CSMD1: variants seen among roughly 807,000 people sequenced by gnomAD.
CSMD1 encodes CUB and sushi domain-containing protein 1.
CSMD1 carries 213 observed loss-of-function variants against 417.5 expected under a neutral mutation model. The ratio of observed to expected loss-of-function variants is 0.51; its 90% confidence interval spans 0.46 to 0.57. The LOEUF (loss-of-function observed/expected upper bound fraction) is 0.57, where lower values mean the gene tolerates loss of function less well. Ranked by LOEUF, CSMD1 falls within the 20% of genes least tolerant of loss-of-function variation. CSMD1 has a pLI of 0.00. For synonymous variants in CSMD1, 2,862 were observed against 1,736.8 expected (o/e 1.65, Z -16.11); for missense variants, 6,923 against 4,529.7 (o/e 1.53, Z -15.17).
intron 5 of CSMD1, among the ~76,000 whole-genome samples, chr8:3,936,678 G>A (rs112072657): frequency 1.3e-5 from 2 of 152,110 alleles, no homozygotes; most frequent in Admixed American, 6.6e-5. Context: ...CAATGTACCT[G>A]GTCACACAAG....
intron 68 of CSMD1, among the ~76,000 whole-genome samples, chr8:2,947,990 A>G (rs1436321811): frequency 1.3e-5 from 2 of 151,758 alleles, no homozygotes; most frequent in Non-Finnish European, 2.9e-5. Flanking sequence ...CACTTTGATA[A>G]AAGTCTTACA....
intron 8 of CSMD1, among the ~76,000 whole-genome samples, chr8:3,590,490 G>A (rs548060662): frequency 3.9e-5 from 6 of 152,100 alleles, no homozygotes; most frequent in African/African-American, 1.4e-4. Context: ...GATTGCTCCT[G>A]AGCTTCCACA....
chr8:4,569,021 T>G (rs1324062281), intron 2 of CSMD1, among the ~76,000 whole-genome samples: 1 of 152,202 alleles, frequency 6.6e-6, no homozygotes, highest in Admixed American at 6.5e-5. Context: ...AGATTAACTC[T>G]TTGTCAGATG....
At chr8:4,475,837 T>C (rs933741770) in intron 2 of CSMD1, among the ~76,000 whole-genome samples, 1 of 152,080 alleles carries the variant, frequency 6.6e-6, no homozygotes, top group Non-Finnish European at 1.5e-5. Context: ...GGTCTCAAAC[T>C]CCTGACCTCA....
chr8:4,299,924 C>T (rs554488940), intron 3 of CSMD1, among the ~76,000 whole-genome samples: 8 of 152,086 alleles, frequency 5.3e-5, no homozygotes, highest in South Asian at 2.1e-4. Context: ...CCACTGCGCC[C>T]GGCCCAGACA....
intron 3 of CSMD1, among the ~76,000 whole-genome samples, chr8:4,285,717 G>T (rs1382825190): frequency 1.3e-5 from 2 of 152,164 alleles, no homozygotes; most frequent in Non-Finnish European, 2.9e-5. Context: ...AACAGTCAGG[G>T]CCACAGGCTT....
chr8:4,110,118 G>C (rs550116481), intron 3 of CSMD1, among the ~76,000 whole-genome samples: 3 of 152,180 alleles, frequency 2.0e-5, no homozygotes, highest in East Asian at 1.9e-4. Flanking sequence ...CGGTGGAGTT[G>C]GAAAAGTGTC....
chr8:4,407,043 T>C (rs1007969653), intron 3 of CSMD1, among the ~76,000 whole-genome samples: 1 of 152,192 alleles, frequency 6.6e-6, no homozygotes, highest in African/African-American at 2.4e-5. Context: ...TAAATAAAGA[T>C]TTATTGAAAC....
At chr8:3,859,092 G>T (rs1229017959) in intron 5 of CSMD1, among the ~76,000 whole-genome samples, 3 of 152,076 alleles carry the variant, frequency 2.0e-5, no homozygotes, top group Non-Finnish European at 2.9e-5. Flanking sequence ...TCTCATCCAT[G>T]CACATTCAAT....
intron 5 of CSMD1, among the ~76,000 whole-genome samples, chr8:3,915,168 G>T (rs559714616): frequency 1.3e-5 from 2 of 152,188 alleles, no homozygotes; most frequent in East Asian, 3.9e-4. Context: ...CCCTTTGGGA[G>T]GCTGAGGCAG....
chr8:3,704,438 A>G (rs2624107), intron 7 of CSMD1, among the ~76,000 whole-genome samples: 145,655 of 152,276 alleles, frequency 0.96, 69,729 homozygotes, highest in East Asian at 1. Flanking sequence ...GAGAAGTGGT[A>G]CTTTGTACTT....
intron 3 of CSMD1, among the ~76,000 whole-genome samples, chr8:4,276,946 T>C (rs1796519650): frequency 6.6e-6 from 1 of 152,158 alleles, no homozygotes; most frequent in African/African-American, 2.4e-5. Context: ...GTGTATGTTT[T>C]CGTATACCAA....
Position 4,322,138 on chromosome 8 carries a change from G to A in CSMD1, c.415+97815C>T, listed in dbSNP as rs1000031624. 6.6e-5 allele frequency among the ~76,000 whole-genome samples: 10 copies of A among 151,974 alleles called. No homozygotes were observed. The South Asian group carries it at 1.0e-3, about 16-fold the overall frequency. ...AAAATATTGGATCATTTTATCCTCC[G>A]ATTTCTTTACATTTGAAATAACATT... is the stretch of plus-strand genomic sequence containing the variant. On this transcript the variant is annotated intron_variant, in intron 3 of 69. Transcript: ENST00000635120.
chr8:3,084,397 C>T (rs535659770), intron 49 of CSMD1, among the ~76,000 whole-genome samples: 1 of 151,918 alleles, frequency 6.6e-6, no homozygotes, highest in South Asian at 2.1e-4. Context: ...GTGGTGGGTG[C>T]CTGTAATCCC....
chr8:4,283,934 T>C (rs576174141), intron 3 of CSMD1, among the ~76,000 whole-genome samples: 1 of 152,304 alleles, frequency 6.6e-6, no homozygotes, highest in East Asian at 1.9e-4. Flanking sequence ...GGACACACCA[T>C]TATTAACAAT....
intron 5 of CSMD1, among the ~76,000 whole-genome samples, chr8:3,836,791 T>C (rs1378878106): frequency 1.3e-5 from 2 of 152,130 alleles, no homozygotes; most frequent in African/African-American, 2.4e-5. Flanking sequence ...TAGTGTTTTA[T>C]TTATTTCTTC....
intron 2 of CSMD1, among the ~76,000 whole-genome samples, chr8:4,461,358 C>G: frequency 6.6e-6 from 1 of 151,424 alleles, no homozygotes; most frequent in Admixed American, 6.6e-5. Flanking sequence ...GAGGTTTTAG[C>G]TAGGGCAGTG....
At chr8:3,708,340 C>T (rs1471474494) in intron 7 of CSMD1, 74 bp downstream of exon 7, 10 of 1,290,242 alleles carry the variant, frequency 7.8e-6, no homozygotes, top group Non-Finnish European at 1.1e-5. Context: ...GGTGGGATCG[C>T]TTCTTAACTG....
rs539007115 is a variant in CSMD1 at position 3,959,554 on chromosome 8, G to C, written c.818+38349C>G. Among the ~76,000 whole-genome samples, 48 of 152,302 alleles carry C rather than the reference G, an allele frequency of 3.2e-4. 1 individual carries two copies. The South Asian group carries it at 9.5e-3, about 30-fold the overall frequency. On this transcript the variant is annotated intron_variant, in intron 5 of 69. Coordinates refer to ENST00000635120, the MANE Select transcript of CSMD1 (RefSeq NM_033225.6). ...ACGAAAGAAAGAAAAGAGAGACAAA[G>C]AGTTCCCATAGTTTTTGTCTCTTTT...
Sources: allele counts gnomAD v4.1 joint callset (sites outside exome capture counted in the v4.1 genomes callset), GRCh38; gene constraint gnomAD v4.1.1; transcripts MANE v1.5; gene names NCBI Gene and HGNC (gene_info 2026-07-23, HGNC 2026-07-21).